TBL1XR1: variants seen among roughly 807,000 people sequenced by gnomAD.
TBL1XR1 encodes the protein TBL1X/Y related 1, also known as F-box-like/WD repeat-containing protein TBL1XR1.
A neutral mutation model predicts 66.9 loss-of-function variants in TBL1XR1; 5 were observed. The ratio of observed to expected loss-of-function variants is 0.07; its 90% CI spans 0.04 to 0.16. TBL1XR1 has a LOEUF of 0.16. TBL1XR1 is among the 10% of genes least tolerant of loss of function. TBL1XR1 has a pLI of 1.00. For missense variants in TBL1XR1, 238 were observed against 623.2 expected (o/e 0.38, Z 6.58); for synonymous variants, 210 against 206.0 (o/e 1.02, Z -0.17).
At chr3:177,043,628 G>A (rs1026045767) in intron 10 of TBL1XR1, among the ~76,000 whole-genome samples, 5 of 152,042 alleles carry the variant, frequency 3.3e-5, no homozygotes, top group African/African-American at 9.7e-5. Context: ...GTATATAGTT[G>A]AGTCTTGCTT....
intron 1 of TBL1XR1, among the ~76,000 whole-genome samples, chr3:177,137,339 A>G (rs1004066879): frequency 6.6e-6 from 1 of 152,058 alleles, no homozygotes; most frequent in Non-Finnish European, 1.5e-5. Context: ...AAAAAATACA[A>G]AAATCGTCAG....
intron 1 of TBL1XR1, among the ~76,000 whole-genome samples, chr3:177,140,333 C>T (rs369407726): frequency 1.8e-4 from 27 of 152,190 alleles, no homozygotes; most frequent in East Asian, 1.5e-3. Context: ...ACGTATATTC[C>T]TATAACCCAA....
chr3:177,081,083 A>G (rs1487700020), intron 2 of TBL1XR1, among the ~76,000 whole-genome samples: 3 of 152,342 alleles, frequency 2.0e-5, no homozygotes, highest in Middle Eastern at 3.4e-3. Context: ...AATTACCTAA[A>G]GTGATTATAA....
intron 12 of TBL1XR1, among the ~76,000 whole-genome samples, chr3:177,035,996 A>G (rs956843621): frequency 3.3e-5 from 5 of 152,218 alleles, no homozygotes; most frequent in African/African-American, 9.7e-5. Context: ...CCCATGGCAC[A>G]TCAAAGGTTA....
intron 5 of TBL1XR1, among the ~76,000 whole-genome samples, chr3:177,051,238 G>A (rs967889601): frequency 1.3e-5 from 2 of 151,936 alleles, no homozygotes; most frequent in African/African-American, 4.8e-5. Flanking sequence ...ATAGAAGATG[G>A]GGCATTTCTT....
intron 2 of TBL1XR1, among the ~76,000 whole-genome samples, chr3:177,078,190 TAACAA>T (rs1720924966): frequency 1.3e-5 from 2 of 152,210 alleles, no homozygotes; most frequent in East Asian, 3.8e-4. Flanking sequence ...TTGCCTGTTT[TAACAA>T]AACAAATCAG....
chr3:177,053,163 C>G (rs1202232536), intron 4 of TBL1XR1, among the ~76,000 whole-genome samples: 1 of 152,152 alleles, frequency 6.6e-6, no homozygotes, highest in Non-Finnish European at 1.5e-5. Context: ...GGGTTTACAA[C>G]CTTTTTCTGT....
At chr3:177,126,503 T>C (rs1312157696) in intron 1 of TBL1XR1, among the ~76,000 whole-genome samples, 3 of 152,244 alleles carry the variant, frequency 2.0e-5, no homozygotes, top group African/African-American at 7.2e-5. Flanking sequence ...TACTAATATG[T>C]CCATAAGATG....
intron 1 of TBL1XR1, among the ~76,000 whole-genome samples, chr3:177,163,647 T>C (rs1051607779): frequency 2.0e-5 from 3 of 152,182 alleles, no homozygotes; most frequent in Admixed American, 1.3e-4. Flanking sequence ...GTGTAAAGTA[T>C]ACACTTAATT....
At chr3:177,189,473 T>C (rs1299390030) in intron 1 of TBL1XR1, among the ~76,000 whole-genome samples, 2 of 150,844 alleles carry the variant, frequency 1.3e-5, no homozygotes, top group Admixed American at 6.6e-5. Flanking sequence ...GCCAACATGG[T>C]GAAACCCCAT....
intron 1 of TBL1XR1, among the ~76,000 whole-genome samples, chr3:177,113,181 T>C (rs1284173013): frequency 1.3e-5 from 2 of 151,960 alleles, no homozygotes; most frequent in African/African-American, 2.4e-5. Flanking sequence ...AAAATGAAAG[T>C]AGACCCTTAT....
chr3:177,029,542 G>A (rs577433619), intron 14 of TBL1XR1, among the ~76,000 whole-genome samples: 17 of 152,158 alleles, frequency 1.1e-4, no homozygotes, highest in Admixed American at 5.9e-4. Context: ...GATTAGCTAA[G>A]CCCAGGAAGG....
intron 7 of TBL1XR1, among the ~76,000 whole-genome samples, chr3:177,049,482 A>G (rs900125138): frequency 6.6e-6 from 1 of 152,238 alleles, no homozygotes; most frequent in Non-Finnish European, 1.5e-5. Context: ...AGATTCCTAC[A>G]GTGGGAATAA....
chr3:177,169,422 C>T (rs1577370402), intron 1 of TBL1XR1, among the ~76,000 whole-genome samples: 1 of 152,280 alleles, frequency 6.6e-6, no homozygotes, highest in East Asian at 1.9e-4. Context: ...GTTACTATCA[C>T]AAGGGTTCCA....
At chr3:177,128,256 C>T (rs1727879707) in intron 1 of TBL1XR1, among the ~76,000 whole-genome samples, 1 of 152,102 alleles carries the variant, frequency 6.6e-6, no homozygotes, top group African/African-American at 2.4e-5. Context: ...TCTTTTAGTA[C>T]ACTGTAATTT....
chr3:177,103,254 AAC>A (rs1724451252), intron 1 of TBL1XR1, among the ~76,000 whole-genome samples: 1 of 152,216 alleles, frequency 6.6e-6, no homozygotes, highest in Non-Finnish European at 1.5e-5. Context: ...ATTAACAAGA[AAC>A]TCAAGAAGTA....
intron 1 of TBL1XR1, among the ~76,000 whole-genome samples, chr3:177,178,164 G>A (rs915549422): frequency 6.6e-6 from 1 of 152,322 alleles, no homozygotes; most frequent in Middle Eastern, 3.4e-3. Context: ...GGTGAAACAA[G>A]ATAAGGTTTG....
intron 2 of TBL1XR1, among the ~76,000 whole-genome samples, chr3:177,085,557 CAAGT>C (rs1212919995): frequency 6.6e-6 from 1 of 152,114 alleles, no homozygotes; most frequent in East Asian, 1.9e-4. Flanking sequence ...ACAGGAAACA[CAAGT>C]TCTCAGAAGT....
intron 1 of TBL1XR1, among the ~76,000 whole-genome samples, chr3:177,107,011 T>C (rs1724970940): frequency 6.6e-6 from 1 of 152,208 alleles, no homozygotes; most frequent in South Asian, 2.1e-4. Flanking sequence ...CTCACAGTGA[T>C]AATGAACACC....
Sources: gnomAD v4.1 joint callset for allele counts (sites outside exome capture counted in the v4.1 genomes callset) on GRCh38, gnomAD v4.1.1 for gene constraint, MANE v1.5 for transcripts, NCBI Gene and HGNC (gene_info 2026-07-23, HGNC 2026-07-21) for gene names.